The following DGKI variants were observed in gnomAD, a reference collection of about 807,000 sequenced individuals.
The protein encoded by DGKI is DAG kinase iota.
A neutral mutation model predicts 147.5 loss-of-function variants in DGKI; 55 were observed. The ratio of observed to expected loss-of-function variants is 0.37; its 90% CI spans 0.30 to 0.47. The LOEUF (loss-of-function observed/expected upper bound fraction) is 0.47, where lower values mean the gene tolerates loss of function less well. Among genes scored for constraint, DGKI ranks in the 20% least tolerant of loss-of-function variants. The pLI is 1.00. For synonymous variants in DGKI, 469 were observed against 477.1 expected, an observed-to-expected ratio of 0.98 and a Z score of 0.22; for missense variants, 1,007 against 1,323.8, an observed-to-expected ratio of 0.76 and a Z score of 3.71.
At chr7:137,572,661 A>G (rs1818833408) in intron 18 of DGKI, 104 bp downstream of exon 18, 12 of 735,886 alleles carry the variant, frequency 1.6e-5, no homozygotes, top group Middle Eastern at 2.4e-4. Context: ...CCATTTAGAT[A>G]ACTGATCTTC....
At chr7:137,788,680 A>ACACC (rs1417525541) in intron 1 of DGKI, among the ~76,000 whole-genome samples, 28 of 129,712 alleles carry the variant, frequency 2.2e-4, no homozygotes, top group African/African-American at 8.3e-4. Flanking sequence ...ACACACACAC[A>ACACC]CCTCCATCCC....
intron 28 of DGKI, among the ~76,000 whole-genome samples, chr7:137,432,845 C>A (rs1325059177): frequency 1.3e-5 from 2 of 152,164 alleles, no homozygotes. Flanking sequence ...CTGGTAAGGC[C>A]AAAGGGATGT....
chr7:137,789,447 C>T (rs536045742), intron 1 of DGKI, among the ~76,000 whole-genome samples: 6 of 152,202 alleles, frequency 3.9e-5, no homozygotes, highest in Non-Finnish European at 8.8e-5. Context: ...TCAGCCCTTC[C>T]CCTAATATAA....
intron 28 of DGKI, among the ~76,000 whole-genome samples, chr7:137,422,358 C>A (rs575655721): frequency 1.3e-5 from 2 of 152,270 alleles, no homozygotes; most frequent in South Asian, 2.1e-4. Context: ...AATATCAATT[C>A]TTTCTCTAGC....
At position 137,381,653 on chromosome 7, in the gene DGKI, T is replaced by C. The variant is rs999551669; in HGVS notation, c.*9567A>G. The C allele has an allele frequency of 6.6e-6, 1 of 152,046 alleles. No homozygotes were observed. Among genetic ancestry groups the C allele is most frequent in the African/African-American group, 2.4e-5 (1 of 41,406 alleles). The allele number at this position is 152,046 out of a possible 1,614,324, so 9.4% of individuals were successfully genotyped here. ...TCTATTCCTTAGTTTTTCACAAGAA[T>C]GGTTTTCCTCAGTTTCAGTCAGTGG... On this transcript the variant is annotated 3_prime_UTR_variant, in exon 33 of 33. Coordinates refer to ENST00000614521, the MANE Select transcript of DGKI (RefSeq NM_001321708.2).
chr7:137,704,950 AAG>A (rs1424344885), intron 1 of DGKI, among the ~76,000 whole-genome samples: 3 of 152,202 alleles, frequency 2.0e-5, no homozygotes, highest in African/African-American at 7.2e-5. Flanking sequence ...AAAATGAAGA[AAG>A]AAATTCTATG....
At chr7:137,759,594 A>G (rs1795794710) in intron 1 of DGKI, among the ~76,000 whole-genome samples, 1 of 152,104 alleles carries the variant, frequency 6.6e-6, no homozygotes, top group South Asian at 2.1e-4. Flanking sequence ...TGCCCGCCTC[A>G]GCCTCCCAAA....
chr7:137,710,570 T>C (rs1794180906), intron 1 of DGKI, among the ~76,000 whole-genome samples: 1 of 152,084 alleles, frequency 6.6e-6, no homozygotes, highest in African/African-American at 2.4e-5. Flanking sequence ...CTTATCCTTA[T>C]AGAAAAATTA....
At chr7:137,561,690 T>C (rs923318254) in intron 19 of DGKI, among the ~76,000 whole-genome samples, 2 of 152,042 alleles carry the variant, frequency 1.3e-5, no homozygotes, top group African/African-American at 4.8e-5. Context: ...ATATGCACAA[T>C]TACTACTCAT....
chr7:137,577,172 G>A, intron 17 of DGKI, 50 bp downstream of exon 17: 1 of 1,333,154 alleles, frequency 7.5e-7, no homozygotes, highest in Non-Finnish European at 1.1e-6. Context: ...AGTTTTTTGT[G>A]GCAGTCATAT....
At chr7:137,416,218 C>T (rs1046146393) in intron 28 of DGKI, among the ~76,000 whole-genome samples, 3 of 151,798 alleles carry the variant, frequency 2.0e-5, no homozygotes, top group African/African-American at 7.3e-5. Context: ...GAAAAAACTC[C>T]CCAGGACAAA....
chr7:137,581,760 C>A (rs113609216), intron 15 of DGKI, 90 bp downstream of exon 15: 1 of 1,092,934 alleles, frequency 9.1e-7, no homozygotes, highest in East Asian at 2.4e-5. Context: ...ACACTGTAAA[C>A]GCGTAAGTGA....
chr7:137,555,137 A>T (rs564793759), intron 19 of DGKI, among the ~76,000 whole-genome samples: 1 of 151,768 alleles, frequency 6.6e-6, no homozygotes, highest in Admixed American at 6.6e-5. Flanking sequence ...GATGGTCTCA[A>T]TCTTCTGACT....
chr7:137,663,792 T>C (rs1822531549), intron 3 of DGKI, among the ~76,000 whole-genome samples: 1 of 152,110 alleles, frequency 6.6e-6, no homozygotes, highest in Non-Finnish European at 1.5e-5. Context: ...GATTTCTCTG[T>C]GTGTTTCCAT....
At chr7:137,803,754 T>C (rs746410424) in intron 1 of DGKI, among the ~76,000 whole-genome samples, 18 of 152,272 alleles carry the variant, frequency 1.2e-4, no homozygotes, top group Non-Finnish European at 1.8e-4. Flanking sequence ...ATGAAACATA[T>C]TAAGTAAGTG....
intron 1 of DGKI, among the ~76,000 whole-genome samples, chr7:137,804,713 T>C (rs557959653): frequency 4.5e-4 from 69 of 152,358 alleles, no homozygotes; most frequent in African/African-American, 1.6e-3. Context: ...TCTTTTTCTG[T>C]AAAGAAGTCT....
chr7:137,629,598 CTT>C (rs1821059595), intron 6 of DGKI, among the ~76,000 whole-genome samples: 2 of 152,164 alleles, frequency 1.3e-5, no homozygotes, highest in Admixed American at 1.3e-4. Flanking sequence ...TAACTGAAAA[CTT>C]TTTTCAGTGA....
intron 1 of DGKI, among the ~76,000 whole-genome samples, chr7:137,764,595 G>A (rs1479384554): frequency 6.6e-6 from 1 of 152,130 alleles, no homozygotes; most frequent in Non-Finnish European, 1.5e-5. Context: ...ACCCCAAAAG[G>A]CAGATGTCCT....
intron 30 of DGKI, among the ~76,000 whole-genome samples, chr7:137,401,272 C>G (rs1811748228): frequency 6.6e-6 from 1 of 151,956 alleles, no homozygotes; most frequent in Admixed American, 6.6e-5. Context: ...TGGTTCACGT[C>G]TGTAATCCCA....
Sources: gnomAD v4.1 joint callset for allele counts (sites outside exome capture counted in the v4.1 genomes callset) on GRCh38, gnomAD v4.1.1 for gene constraint, MANE v1.5 for transcripts, NCBI Gene and HGNC (gene_info 2026-07-23, HGNC 2026-07-21) for gene names.